The following PDXDC1 variants were observed in gnomAD, a reference collection of about 807,000 sequenced individuals.
The protein encoded by PDXDC1 is pyridoxal dependent decarboxylase domain containing 1.
Under a neutral mutation model 100.1 loss-of-function variants are expected in PDXDC1, and 42 were observed. The ratio of observed to expected loss-of-function variants is 0.42; its 90% CI spans 0.33 to 0.54. PDXDC1 has a LOEUF of 0.54. PDXDC1 is among the 20% of genes least tolerant of loss of function. The probability of loss-of-function intolerance (pLI) is 0.10; values close to 1 mark genes in which losing one functional copy is unlikely to be tolerated. For synonymous variants in PDXDC1, 260 were observed against 371.7 expected, an observed-to-expected ratio of 0.70 and a Z score of 3.46; for missense variants, 636 against 979.2, an observed-to-expected ratio of 0.65 and a Z score of 4.68.
chr16:15,025,091 T>C (rs983978359), intron 13 of PDXDC1: 1 of 152,454 alleles, frequency 6.6e-6, no homozygotes, highest in Non-Finnish European at 1.5e-5. Flanking sequence ...AGCCCAGCCA[T>C]GGTTTAACCT....
intron 16 of PDXDC1, chr16:15,130,216 G>T (rs1308964980): frequency 6.4e-7 from 1 of 1,550,920 alleles, no homozygotes; most frequent in African/African-American, 1.4e-5. Flanking sequence ...AACACAAAGC[G>T]TACATGGCTT....
chr16:14,997,012 G>T (rs1325625044), intron 1 of PDXDC1, among the ~76,000 whole-genome samples: 1 of 152,156 alleles, frequency 6.6e-6, no homozygotes, highest in Admixed American at 6.6e-5. Context: ...CCCTGGGGCT[G>T]TGTACAATGG....
chr16:15,058,022 C>T lies in PDXDC1; in HGVS notation c.1399+27966C>T, dbSNP rs182968700. ...TCTACAGGCAATGAGGAAGCAATAG[C>T]AGGTGTGTGGCCAGCACTGCGGCTC... On this transcript the variant is annotated intron_variant, in intron 16 of 16. Transcript: ENST00000535621. Among the ~76,000 whole-genome samples, 178 of 152,280 alleles carry T rather than the reference C, an allele frequency of 1.2e-3. 1 individual carries two copies. The highest frequency in any genetic ancestry group is 4.2e-3 in the African/African-American group (176 of 41,546).
intron 16 of PDXDC1, chr16:15,063,103 T>C: frequency 2.1e-6 from 2 of 945,102 alleles, no homozygotes; most frequent in East Asian, 4.8e-5. Flanking sequence ...GTGCGGGGAT[T>C]ACACGCACGA....
chr16:14,984,876 AT>A (rs1243617899), intron 1 of PDXDC1, among the ~76,000 whole-genome samples: 245 of 150,768 alleles, frequency 1.6e-3, no homozygotes, highest in South Asian at 2.1e-3. Flanking sequence ...AAAAGATGAA[AT>A]TTTTTTTTTT....
intron 5 of PDXDC1, among the ~76,000 whole-genome samples, chr16:15,005,106 C>T (rs1180364284): frequency 6.6e-6 from 1 of 152,262 alleles, no homozygotes; most frequent in Non-Finnish European, 1.5e-5. Context: ...CGCCTGTAAT[C>T]CCAGCACTTT....
rs766232610 is a variant in PDXDC1 at position 15,029,995 on chromosome 16, A to G, written c.1338A>G (p.Thr446=). 157 of 1,555,748 alleles carry G rather than the reference A, an allele frequency of 1.0e-4. No homozygotes were observed. In the East Asian group the frequency reaches 3.7e-3, roughly 37 times the overall value. Residue 446 remains threonine, a synonymous_variant, in exon 16 of 23, where the codon ACA becomes ACG. Transcript: ENST00000396410. The part of the protein sequence containing the change: ...LKQLVPASGL[T]VMDLEAEGTC... ...AGCTGGTGCCTGCAAGCGGCCTCAC[A>G]GTCATGGATCTGGAAGCTGAGGGCA...
At chr16:15,102,153 C>G (rs2046575676) in intron 16 of PDXDC1, among the ~76,000 whole-genome samples, 2 of 151,710 alleles carry the variant, frequency 1.3e-5, no homozygotes, top group East Asian at 2.0e-4. Context: ...GCCTGGTGAG[C>G]TAATTTTTAA....
At chr16:15,085,520 G>C in intron 16 of PDXDC1, 2 of 1,403,844 alleles carry the variant, frequency 1.4e-6, no homozygotes, top group Non-Finnish European at 2.0e-6. Flanking sequence ...GTCTCACTAT[G>C]TTGCCCAGGC....
chr16:15,001,892 G>T (rs771943672), intron 4 of PDXDC1, 36 bp downstream of exon 4: 8 of 1,557,168 alleles, frequency 5.1e-6, no homozygotes, highest in Non-Finnish European at 7.0e-6. Flanking sequence ...TCAAGTGTAT[G>T]TGTTCTTGAT....
Position 15,048,171 on chromosome 16 carries a change from A to C in PDXDC1, c.1399+18115A>C. ...ATGGAAAAACTAAAGATGTGGAGAG[A>C]GCCAAAGTGGGCTCTGCGTGGGCAG... is the stretch of plus-strand genomic sequence containing the variant. On this transcript the variant is annotated intron_variant, in intron 16 of 16. Transcript: ENST00000535621. 8 of 1,079,654 alleles carry C rather than the reference A, an allele frequency of 7.4e-6. No individual in the cohort carries two copies. In the South Asian group the frequency reaches 1.1e-4, roughly 15 times the overall value. 66.9% of individuals were successfully genotyped at this position (1,079,654 alleles called of 1,614,324 possible). A position where few individuals can be genotyped will look rare whatever the true frequency, so the allele number is the denominator to read the frequency against.
intron 8 of PDXDC1, among the ~76,000 whole-genome samples, chr16:15,011,227 G>C (rs551596572): frequency 4.9e-4 from 75 of 152,386 alleles, no homozygotes; most frequent in African/African-American, 1.6e-3. Flanking sequence ...AAAGAAAATA[G>C]AGAATTCAGA....
downstream of PDXDC1, chr16:15,041,502 G>A (rs577993387): frequency 3.3e-5 from 26 of 780,566 alleles, no homozygotes; most frequent in South Asian, 2.3e-4. Context: ...AGGAAGAGCC[G>A]GAACAGATGG....
chr16:15,133,023 G>A (rs151262004), intron 16 of PDXDC1: 133,988 of 1,176,930 alleles, frequency 0.11, 8,863 homozygotes, highest in South Asian at 0.23. Context: ...TTCTTCATGG[G>A]CAAAACAGGG....
intron 12 of PDXDC1, among the ~76,000 whole-genome samples, chr16:15,019,877 C>T (rs548537693): frequency 1.3e-5 from 2 of 152,398 alleles, no homozygotes; most frequent in African/African-American, 4.8e-5. Flanking sequence ...CTTTGGGAGG[C>T]TGAAGCGGGT....
At position 15,034,451 on chromosome 16, in the gene PDXDC1, T is replaced by C; in HGVS notation, c.1906-6T>C. On this transcript the variant is annotated splice_polypyrimidine_tract_variant and splice_region_variant and intron_variant, in intron 20 of 22. Coordinates refer to ENST00000396410, the MANE Select transcript of PDXDC1 (RefSeq NM_015027.4). Reference sequence around the variant, plus strand: ...GGTGGCCCTGAACTCTGGTCCTGTCTTGCAGGGGGTGTTGCGGCAGATCCC... The same window carrying C: ...GGTGGCCCTGAACTCTGGTCCTGTCCTGCAGGGGGTGTTGCGGCAGATCCC... 6.2e-7 allele frequency: 1 copy of C among 1,614,112 alleles called. No individual in the cohort carries two copies. Among genetic ancestry groups the C allele is most frequent in the Non-Finnish European group, 8.5e-7 (1 of 1,180,000 alleles).
intron 17 of PDXDC1, 174 bp from the exon 18 acceptor site, chr16:15,032,687 C>A: frequency 2.5e-5 from 10 of 403,846 alleles, no homozygotes; most frequent in Non-Finnish European, 3.5e-5. Context: ...CTGTGACTTT[C>A]TCTTTACTCC....
intron 16 of PDXDC1, among the ~76,000 whole-genome samples, chr16:15,051,540 T>G (rs575077406): frequency 6.6e-6 from 1 of 151,240 alleles, no homozygotes; most frequent in African/African-American, 2.4e-5. Context: ...AGAGATGGGG[T>G]CTCCCTGTGT....
chr16:15,087,512 C>A (rs1000652440), intron 16 of PDXDC1, among the ~76,000 whole-genome samples: 5 of 152,282 alleles, frequency 3.3e-5, no homozygotes, highest in African/African-American at 1.2e-4. Flanking sequence ...CCCTTTTCCC[C>A]ACCTTAATTC....
Sources: gnomAD v4.1 joint callset for allele counts (sites outside exome capture counted in the v4.1 genomes callset) on GRCh38, gnomAD v4.1.1 for gene constraint, MANE v1.5 for transcripts, NCBI Gene and HGNC (gene_info 2026-07-23, HGNC 2026-07-21) for gene names.